SPATA33: variants seen among roughly 807,000 people sequenced by gnomAD.
SPATA33 encodes spermatogenesis-associated protein 33.
In SPATA33, 10 loss-of-function variants were observed where a neutral mutation model predicts 8.9. That is an observed-to-expected ratio of 1.12 (90% confidence interval 0.69 to 1.90). The LOEUF is 1.90. Among genes scored for constraint, SPATA33 ranks in the 40% most tolerant of loss-of-function variants. SPATA33 has a pLI of 0.00. For missense variants in SPATA33, 241 were observed against 178.3 expected, an observed-to-expected ratio of 1.35 and a Z score of -2.00; for synonymous variants, 96 against 72.8, an observed-to-expected ratio of 1.32 and a Z score of -1.63.
chr16:89,663,362 G>C (rs569264840), intron 2 of SPATA33, among the ~76,000 whole-genome samples: 1 of 151,344 alleles, frequency 6.6e-6, no homozygotes, highest in Non-Finnish European at 1.5e-5. Context: ...ACAGGCATGC[G>C]CCACCATGCC....
In SPATA33 at chr16:89,657,892, A is replaced by AG; in HGVS notation, c.-15dup. The AG allele has an allele frequency of 6.6e-7, 1 of 1,515,678 alleles. No homozygotes were observed. Among genetic ancestry groups the AG allele is most frequent in the Admixed American group, 2.0e-5 (1 of 48,814 alleles). 93.9% of individuals were successfully genotyped at this position (1,515,678 alleles called of 1,614,324 possible). On this transcript the variant is annotated 5_prime_UTR_variant, in exon 1 of 3. Coordinates refer to ENST00000579310, the MANE Select transcript of SPATA33 (RefSeq NM_001271907.2). Reference sequence around the variant, plus strand: ...GTGTGGGGACCCGGGCTTGCGTCGGAGGGGGCGGTGGGCTCACCCATGGGC... The same window carrying AG: ...GTGTGGGGACCCGGGCTTGCGTCGGAGGGGGGCGGTGGGCTCACCCATGGGC...
intron 2 of SPATA33, among the ~76,000 whole-genome samples, chr16:89,668,217 C>T (rs959802911): frequency 6.6e-5 from 10 of 152,178 alleles, no homozygotes; most frequent in Non-Finnish European, 1.3e-4. Flanking sequence ...GAGGCTGAGG[C>T]AGGAGAATCA....
At chr16:89,664,314 T>C (rs186748522) in intron 2 of SPATA33, among the ~76,000 whole-genome samples, 53 of 151,432 alleles carry the variant, frequency 3.5e-4, no homozygotes, top group Non-Finnish European at 6.3e-4. Flanking sequence ...GAGGCACACA[T>C]CTTCCTGGAA....
Position 89,660,788 on chromosome 16 carries a change from A to G in SPATA33, c.211+2367A>G, listed in dbSNP as rs949524467. On this transcript the variant is annotated intron_variant, in intron 2 of 2. Coordinates refer to ENST00000579310, the MANE Select transcript of SPATA33 (RefSeq NM_001271907.2). Reference sequence around the variant, plus strand: ...TGGAGGGTGATGGAAATGGTTTTCGACCTGAATCTGAACATGGGAAGCACT... The same window carrying G: ...TGGAGGGTGATGGAAATGGTTTTCGGCCTGAATCTGAACATGGGAAGCACT... 15 of 1,032,630 alleles carry G rather than the reference A, an allele frequency of 1.5e-5. No individual in the cohort carries two copies. The African/African-American group carries it at 2.5e-4, about 17-fold the overall frequency. The allele number at this position is 1,032,630 out of a possible 1,614,324, so 64.0% of individuals were successfully genotyped here. A position where few individuals can be genotyped will look rare whatever the true frequency, so the allele number is the denominator to read the frequency against.
intron 2 of SPATA33, chr16:89,658,679 TG>T: frequency 1.9e-6 from 1 of 524,464 alleles, no homozygotes. Context: ...GCTGGGGCAG[TG>T]TGCGTGTGTC....
In SPATA33 at chr16:89,658,430, C is replaced by A. The variant is rs756349441; in HGVS notation, c.211+9C>A. The A allele has an allele frequency of 6.3e-7, 1 of 1,597,758 alleles. No individual in the cohort carries two copies. The highest frequency in any genetic ancestry group is 8.5e-7 in the Non-Finnish European group (1 of 1,173,050). Reference sequence around the variant, plus strand: ...GGCAGCTTCGCTGGAAGGTAGGAGACGGCGGGAGGGAGCGAAGCGAGGTCA... The same window carrying A: ...GGCAGCTTCGCTGGAAGGTAGGAGAAGGCGGGAGGGAGCGAAGCGAGGTCA... On this transcript the variant is annotated intron_variant, in intron 2 of 2. Transcript: ENST00000579310.
intron 2 of SPATA33, among the ~76,000 whole-genome samples, chr16:89,662,926 T>C (rs2151529155): frequency 6.6e-6 from 1 of 152,206 alleles, no homozygotes; most frequent in Admixed American, 6.5e-5. Flanking sequence ...CCCGAGTAGC[T>C]GAGACTACAG....
intron 2 of SPATA33, chr16:89,660,405 C>T (rs2059951125): frequency 8.5e-7 from 1 of 1,178,476 alleles, no homozygotes; most frequent in Non-Finnish European, 1.1e-6. Context: ...GGAGGACCGC[C>T]TGTTGGAAGG....
intron 2 of SPATA33, among the ~76,000 whole-genome samples, chr16:89,663,852 C>T (rs1348276940): frequency 6.6e-6 from 1 of 152,178 alleles, no homozygotes; most frequent in Non-Finnish European, 1.5e-5. Flanking sequence ...AGCACAGTGG[C>T]TCACGCCTGT....
intron 2 of SPATA33, chr16:89,661,090 T>C (rs899618528): frequency 1.0e-6 from 1 of 985,490 alleles, no homozygotes; most frequent in African/African-American, 1.7e-5. Flanking sequence ...AAGAAAATCG[T>C]TTTAAACTGC....
chr16:89,664,353 C>CCCTT (rs10665200), intron 2 of SPATA33, among the ~76,000 whole-genome samples: 1 of 152,114 alleles, frequency 6.6e-6, no homozygotes, highest in African/African-American at 2.4e-5. Context: ...TGGCAGGACT[C>CCCTT]AAGACAGCCC....
chr16:89,662,180 A>C (rs1437229330), intron 2 of SPATA33, among the ~76,000 whole-genome samples: 1 of 151,822 alleles, frequency 6.6e-6, no homozygotes, highest in African/African-American at 2.4e-5. Flanking sequence ...TGTAATTCCA[A>C]CTACTTTGGA....
intron 2 of SPATA33, among the ~76,000 whole-genome samples, chr16:89,667,162 T>C (rs908550843): frequency 1.3e-5 from 2 of 152,236 alleles, no homozygotes; most frequent in African/African-American, 2.4e-5. Context: ...TGCTAGACCA[T>C]GGTCTGCTTG....
intron 2 of SPATA33, among the ~76,000 whole-genome samples, chr16:89,666,556 C>T (rs557639754): frequency 3.2e-4 from 48 of 152,112 alleles, no homozygotes; most frequent in Middle Eastern, 3.4e-3. Context: ...CCCACAGGGT[C>T]GGTGGGTTTT....
chr16:89,667,202 T>C (rs571662204), intron 2 of SPATA33, among the ~76,000 whole-genome samples: 3 of 152,334 alleles, frequency 2.0e-5, no homozygotes, highest in Non-Finnish European at 2.9e-5. Context: ...ACGCTGGCGT[T>C]ACCACTAGAC....
intron 2 of SPATA33, chr16:89,661,221 C>CTG: frequency 3.0e-6 from 3 of 985,246 alleles, no homozygotes; most frequent in Non-Finnish European, 3.6e-6. Flanking sequence ...TGTGGCTTGG[C>CTG]TGTGTCCTCA....
intron 2 of SPATA33, among the ~76,000 whole-genome samples, chr16:89,662,943 G>A (rs578228052): frequency 4.7e-4 from 71 of 151,960 alleles, no homozygotes; most frequent in East Asian, 9.7e-4. Flanking sequence ...ACAGGTGTGC[G>A]CCACCATGCC....
chr16:89,664,853 C>G (rs550059710), intron 2 of SPATA33, among the ~76,000 whole-genome samples: 1 of 152,340 alleles, frequency 6.6e-6, no homozygotes, highest in South Asian at 2.1e-4. Context: ...CAGCCTGCGT[C>G]CCAGCCACGC....
Position 89,657,959 on chromosome 16 carries a change from C to A in SPATA33, c.37+11C>A. On this transcript the variant is annotated intron_variant, in intron 1 of 2. Coordinates refer to ENST00000579310, the MANE Select transcript of SPATA33 (RefSeq NM_001271907.2). ...AGAAACCCAGGAAAGGTAAAGGAGG[C>A]GCAGGCGCTGGGCTCCCCGCGTCTC... The A allele has an allele frequency of 2.0e-6, 3 of 1,511,918 alleles. No homozygotes were observed. The highest frequency in any genetic ancestry group is 2.6e-6 in the Non-Finnish European group (3 of 1,137,762). The allele number at this position is 1,511,918 out of a possible 1,614,324, so 93.7% of individuals were successfully genotyped here.
Sources: gnomAD v4.1 joint callset for allele counts (sites outside exome capture counted in the v4.1 genomes callset) on GRCh38, gnomAD v4.1.1 for gene constraint, MANE v1.5 for transcripts, NCBI Gene and HGNC (gene_info 2026-07-23, HGNC 2026-07-21) for gene names.